ANKRD36C: variants seen among roughly 807,000 people sequenced by gnomAD.
ANKRD36C encodes ankyrin repeat domain-containing protein 36C.
In ANKRD36C, 61 loss-of-function variants were observed where a neutral mutation model predicts 276.4. The observed-to-expected ratio is 0.22, with a 90% CI of 0.18 to 0.27. The LOEUF (loss-of-function observed/expected upper bound fraction) is 0.27. ANKRD36C is among the 10% of genes least tolerant of loss of function. ANKRD36C has a pLI of 1.00. For synonymous variants in ANKRD36C, 483 were observed against 680.1 expected, an observed-to-expected ratio of 0.71 and a Z score of 4.51; for missense variants, 1,447 against 2,032.3, an observed-to-expected ratio of 0.71 and a Z score of 5.54.
At chr2:95,930,795 T>C (rs1677544206) in intron 24 of ANKRD36C, among the ~76,000 whole-genome samples, 1 of 150,116 alleles carries the variant, frequency 6.7e-6, no homozygotes, top group Non-Finnish European at 1.5e-5. Context: ...TTTTACAAAA[T>C]AACTACCTCA....
intron 42 of ANKRD36C, among the ~76,000 whole-genome samples, chr2:95,909,654 T>G (rs1318522116): frequency 5.5e-5 from 8 of 145,124 alleles, no homozygotes; most frequent in African/African-American, 2.0e-4. Flanking sequence ...CAGATTCAAC[T>G]TTGTCTCATT....
chr2:95,979,616 C>G (rs535721748), intron 5 of ANKRD36C, among the ~76,000 whole-genome samples: 3 of 152,112 alleles, frequency 2.0e-5, no homozygotes, highest in Non-Finnish European at 4.4e-5. Context: ...GGCATGGAAG[C>G]TTCCACTACC....
In ANKRD36C at chr2:95,910,454, A is replaced by G. The variant is rs1429103340; in HGVS notation, c.2653+1790T>C. ...TCCTCGTCACTTGTAGCCTGAATAG[A>G]ATTTGAAACGAAATAATAAATAAAT... On this transcript the variant is annotated intron_variant, in intron 42 of 66. Coordinates refer to ENST00000456556, the Ensembl canonical transcript of ANKRD36C. 1 of 1,577,132 alleles carries G rather than the reference A, an allele frequency of 6.3e-7. No individual in the cohort carries two copies. The highest frequency in any genetic ancestry group is 8.6e-7 in the Non-Finnish European group (1 of 1,161,724).
intron 6 of ANKRD36C, among the ~76,000 whole-genome samples, chr2:95,969,731 T>C (rs1049652479): frequency 6.6e-6 from 1 of 152,126 alleles, no homozygotes; most frequent in Non-Finnish European, 1.5e-5. Context: ...TTGCCTCACT[T>C]ATCACATAGC....
chr2:95,914,601 GA>G (rs1677036878), intron 38 of ANKRD36C, among the ~76,000 whole-genome samples: 1 of 151,474 alleles, frequency 6.6e-6, no homozygotes, highest in South Asian at 2.1e-4. Context: ...GAACATATGT[GA>G]TCTAAAATCA....
chr2:95,912,395 G>C lies in ANKRD36C; in HGVS notation c.2580+12C>G, dbSNP rs1420113672. 5.6e-6 allele frequency: 9 copies of C among 1,603,994 alleles called. No individual in the cohort carries two copies. In the Admixed American group the frequency reaches 1.3e-4, roughly 24 times the overall value. On this transcript the variant is annotated intron_variant, in intron 41 of 66. Transcript: ENST00000456556. ...GTTTACTAGCTCACAATATGAATGA[G>C]AGTTTCATTACCTTCAAGGCTGGTT...
At chr2:95,927,482 T>C in intron 26 of ANKRD36C, 73 bp from the exon 27 acceptor site, 1 of 1,595,540 alleles carries the variant, frequency 6.3e-7, no homozygotes, top group South Asian at 1.1e-5. Context: ...CATGAAGTGT[T>C]AGCATCAAAC....
chr2:95,955,925 T>C (rs1230178704), intron 13 of ANKRD36C, among the ~76,000 whole-genome samples: 1 of 151,986 alleles, frequency 6.6e-6, no homozygotes, highest in Non-Finnish European at 1.5e-5. Context: ...TTAGCTGCCA[T>C]ACATGAAAAC....
At chr2:95,989,245 T>C (rs1300649716) in intron 1 of ANKRD36C, among the ~76,000 whole-genome samples, 3 of 152,246 alleles carry the variant, frequency 2.0e-5, no homozygotes, top group Non-Finnish European at 2.9e-5. Context: ...GCAAGATTTA[T>C]ATTTCTTCTT....
At chr2:95,879,612 AAG>A (rs1251027640) in intron 58 of ANKRD36C, among the ~76,000 whole-genome samples, 5 of 152,016 alleles carry the variant, frequency 3.3e-5, no homozygotes, top group Non-Finnish European at 5.9e-5. Flanking sequence ...CAAAAAAATA[AAG>A]AAACACACAC....
chr2:95,910,352 T>G, intron 42 of ANKRD36C, 21 bp downstream of exon 46: 1 of 1,529,296 alleles, frequency 6.5e-7, no homozygotes, highest in Non-Finnish European at 8.8e-7. Context: ...AACACGACAT[T>G]AAATCTGTTT....
intron 65 of ANKRD36C, 150 bp downstream of exon 85, chr2:95,851,976 A>T (rs567775449): frequency 9.1e-7 from 1 of 1,099,328 alleles, no homozygotes; most frequent in African/African-American, 1.6e-5. Context: ...ATAATGTAGA[A>T]AAATGATGTA....
At chr2:95,948,097 G>A (rs566967815) in intron 17 of ANKRD36C, among the ~76,000 whole-genome samples, 3 of 152,128 alleles carry the variant, frequency 2.0e-5, no homozygotes, top group Non-Finnish European at 4.4e-5. Flanking sequence ...ATGTGTAACA[G>A]GGTGATTCCA....
At chr2:95,979,385 C>G (rs1678871875) in intron 5 of ANKRD36C, among the ~76,000 whole-genome samples, 1 of 152,042 alleles carries the variant, frequency 6.6e-6, no homozygotes, top group Admixed American at 6.6e-5. Flanking sequence ...TTACATATAA[C>G]TGCTGATAAG....
At position 95,852,438 on chromosome 2, in the gene ANKRD36C, G is replaced by A. The variant is rs1442873030; in HGVS notation, c.5149-242C>T. The stretch of plus-strand genomic sequence containing the variant: ...TGGCTACTTTTGTGCTGTAACTGCA[G>A]GGCTGAGTTATTGCAACAAGGATCT... On this transcript the variant is annotated intron_variant, in intron 64 of 66. Transcript: ENST00000456556. 3.4e-4 allele frequency: 154 copies of A among 455,480 alleles called. No individual in the cohort carries two copies. The East Asian group carries it at 6.4e-3, about 19-fold the overall frequency. 28.2% of individuals were successfully genotyped at this position (455,480 alleles called of 1,614,324 possible). A position where few individuals can be genotyped will look rare whatever the true frequency, so the allele number is the denominator to read the frequency against.
In ANKRD36C at chr2:95,923,573, A is replaced by C; in HGVS notation, c.2071-6T>G. Reference sequence around the variant, plus strand: ...TCTGTCTTGTCACTTGTAGCCTGAAAGTAATTTGAAGCAAATTATCAATAA... The same window carrying C: ...TCTGTCTTGTCACTTGTAGCCTGAACGTAATTTGAAGCAAATTATCAATAA... On this transcript the variant is annotated splice_polypyrimidine_tract_variant and splice_region_variant and intron_variant, in intron 31 of 66. Transcript: ENST00000456556. 1 of 1,609,856 alleles carries C rather than the reference A, an allele frequency of 6.2e-7. No homozygotes were observed. Among genetic ancestry groups the C allele is most frequent in the East Asian group, 2.2e-5 (1 of 44,620 alleles).
chr2:95,960,651 T>C (rs1414558106), exon 9 of ANKRD36C: 3 of 1,273,606 alleles, frequency 2.4e-6, no homozygotes, highest in South Asian at 1.4e-5. Context: ...TCAAGGCCGG[T>C]TGTTTCTGAG....
chr2:95,970,127 G>A (rs1357687405), intron 6 of ANKRD36C, among the ~76,000 whole-genome samples: 1 of 152,118 alleles, frequency 6.6e-6, no homozygotes, highest in African/African-American at 2.4e-5. Flanking sequence ...TATGAAAACT[G>A]TACTCTGTTC....
chr2:95,862,679 C>T (rs1441995011), intron 60 of ANKRD36C, among the ~76,000 whole-genome samples: 1 of 151,506 alleles, frequency 6.6e-6, no homozygotes, highest in Admixed American at 6.6e-5. Context: ...TAAACATCTG[C>T]TGTGGTCTGA....
Sources: allele counts gnomAD v4.1 joint callset (sites outside exome capture counted in the v4.1 genomes callset), GRCh38; gene constraint gnomAD v4.1.1; transcripts MANE v1.5; gene names NCBI Gene and HGNC (gene_info 2026-07-23, HGNC 2026-07-21).